The following FBN2 variants were observed in gnomAD, a reference collection of about 807,000 sequenced individuals.
FBN2 encodes fibrillin-2.
FBN2 carries 105 observed loss-of-function variants against 355.6 expected under a neutral mutation model. That is an observed-to-expected ratio of 0.30 (90% CI 0.25 to 0.35). The LOEUF is 0.35. Ranked by LOEUF, FBN2 falls within the 10% of genes least tolerant of loss-of-function variation. The pLI, the probability that FBN2 is intolerant of heterozygous loss-of-function variation, is 1.00. For synonymous variants in FBN2, 1,350 were observed against 1,301.2 expected (o/e 1.04, Z -0.81); for missense variants, 3,280 against 3,758.7 (o/e 0.87, Z 3.33).
At chr5:128,507,321 C>G (rs1396254093) in intron 5 of FBN2, among the ~76,000 whole-genome samples, 1 of 151,828 alleles carries the variant, frequency 6.6e-6, no homozygotes, top group Non-Finnish European at 1.5e-5. Flanking sequence ...CCAGGATGCC[C>G]AGAGATACCG....
intron 6 of FBN2, among the ~76,000 whole-genome samples, chr5:128,459,797 A>T (rs1013733281): frequency 2.0e-5 from 3 of 152,212 alleles, no homozygotes; most frequent in Non-Finnish European, 4.4e-5. Flanking sequence ...TAAACCAGGT[A>T]TTGATGGAAC....
At chr5:128,289,717 A>T (rs573016630) in intron 51 of FBN2, among the ~76,000 whole-genome samples, 165 bp downstream of exon 51, 10 of 152,198 alleles carry the variant, frequency 6.6e-5, no homozygotes, top group South Asian at 4.1e-4. Flanking sequence ...ATATAATCTT[A>T]TGATATATGT....
At chr5:128,351,167 G>A (rs997823639) in intron 20 of FBN2, among the ~76,000 whole-genome samples, 162 bp from the exon 21 acceptor site, 6 of 151,536 alleles carry the variant, frequency 4.0e-5, no homozygotes, top group Non-Finnish European at 8.8e-5. Context: ...AGGATCATTT[G>A]AGCCCAGGAG....
chr5:128,333,682 G>A (rs905863026), intron 31 of FBN2, among the ~76,000 whole-genome samples: 63 of 147,492 alleles, frequency 4.3e-4, no homozygotes, highest in African/African-American at 1.4e-3. Flanking sequence ...GTGTGTGTGC[G>A]TGTGTGTGTG....
intron 62 of FBN2, 121 bp from the exon 63 acceptor site, chr5:128,263,777 AT>A: frequency 1.5e-6 from 1 of 677,434 alleles, no homozygotes; most frequent in Non-Finnish European, 2.5e-6. Flanking sequence ...ACAGTATTTT[AT>A]TTTATTCTGA....
chr5:128,347,572 A>G (rs1211038954), intron 23 of FBN2, among the ~76,000 whole-genome samples: 1 of 152,110 alleles, frequency 6.6e-6, no homozygotes, highest in Non-Finnish European at 1.5e-5. Context: ...TGAGTTTGGG[A>G]TCCCTGATTC....
chr5:128,317,725 A>G (rs933473220), intron 36 of FBN2, among the ~76,000 whole-genome samples: 3 of 152,082 alleles, frequency 2.0e-5, no homozygotes, highest in African/African-American at 7.2e-5. Context: ...TTCTGCTCCA[A>G]TGGTTTGGCT....
At chr5:128,519,753 T>C (rs548957985) in intron 4 of FBN2, among the ~76,000 whole-genome samples, 86 of 150,858 alleles carry the variant, frequency 5.7e-4, no homozygotes, top group African/African-American at 2.0e-3. Context: ...GAATAAAATA[T>C]GGGAAATGAA....
At chr5:128,335,414 T>A (rs764233632) in intron 29 of FBN2, 41 bp downstream of exon 29, 5 of 1,613,618 alleles carry the variant, frequency 3.1e-6, no homozygotes, top group Non-Finnish European at 4.2e-6. Context: ...CAAGAAAAAA[T>A]TAGTTAGATG....
rs114841941 is a variant in FBN2 at position 128,387,588 on chromosome 5, G to A, written c.1603+4430C>T. ...GAGACCTTTCTAACTTTTTGATGTG[G>A]GATTTTAGTGCTATAAACTTTACTC... is the stretch of plus-strand genomic sequence containing the variant. On this transcript the variant is annotated intron_variant, in intron 11 of 64. Transcript: ENST00000262464. 2.4e-3 allele frequency among the ~76,000 whole-genome samples: 362 copies of A among 152,060 alleles called. 3 individuals are homozygous for A. The highest frequency in any genetic ancestry group is 8.0e-3 in the African/African-American group (333 of 41,484).
At chr5:128,339,325 C>G in intron 25 of FBN2, 1 of 406,348 alleles carries the variant, frequency 2.5e-6, no homozygotes, top group South Asian at 2.1e-5. Context: ...GCTTAGAAAT[C>G]GTAACAGAAA....
At chr5:128,504,442 C>G (rs998443721) in intron 5 of FBN2, among the ~76,000 whole-genome samples, 1 of 152,184 alleles carries the variant, frequency 6.6e-6, no homozygotes, top group Non-Finnish European at 1.5e-5. Context: ...GGGCTGTAAC[C>G]TGCAAAGCTA....
intron 7 of FBN2, among the ~76,000 whole-genome samples, chr5:128,428,776 C>G (rs947899214): frequency 1.3e-5 from 2 of 152,166 alleles, no homozygotes; most frequent in African/African-American, 4.8e-5. Flanking sequence ...GGGTCTAGAA[C>G]AGTGACGGAA....
chr5:128,333,839 TCACACACA>T lies in FBN2; in HGVS notation c.4100-813_4100-806del, dbSNP rs368334500. Among the ~76,000 whole-genome samples, 849 of 122,930 alleles carry T rather than the reference TCACACACA, an allele frequency of 6.9e-3. 10 individuals are homozygous for T. The highest frequency in any genetic ancestry group is 0.023 in the African/African-American group (792 of 34,248). 80.6% of individuals were successfully genotyped at this position (122,930 alleles called of 152,430 possible). On this transcript the variant is annotated intron_variant, in intron 31 of 64. Coordinates refer to ENST00000262464, the MANE Select transcript of FBN2 (RefSeq NM_001999.4). The stretch of plus-strand genomic sequence containing the variant: ...CGATTACATATTATAGATGCTGAAA[TCACACACA>T]CACACACACACACACACACACACAC...
chr5:128,299,050 C>G (rs1749625785), intron 48 of FBN2, among the ~76,000 whole-genome samples: 1 of 152,132 alleles, frequency 6.6e-6, no homozygotes, highest in African/African-American at 2.4e-5. Context: ...TTCCTTCTAA[C>G]AGACAGGACC....
At chr5:128,491,478 C>T (rs746226277) in intron 5 of FBN2, among the ~76,000 whole-genome samples, 4 of 152,126 alleles carry the variant, frequency 2.6e-5, no homozygotes, top group South Asian at 2.1e-4. Context: ...GAAGTAATCA[C>T]GTTTTGTCTA....
intron 4 of FBN2, among the ~76,000 whole-genome samples, chr5:128,519,723 T>C (rs1040847233): frequency 6.6e-6 from 1 of 151,670 alleles, no homozygotes; most frequent in Non-Finnish European, 1.5e-5. Context: ...CTATAATCTA[T>C]ATTTTCACTG....
At chr5:128,395,298 A>C (rs1752618085) in intron 8 of FBN2, 24 bp from the exon 9 acceptor site, 6 of 1,613,680 alleles carry the variant, frequency 3.7e-6, no homozygotes, top group Non-Finnish European at 4.2e-6. Context: ...AATAAGACAG[A>C]AGATATGGCA....
chr5:128,430,428 CAT>C (rs1383515892), intron 7 of FBN2, among the ~76,000 whole-genome samples: 2 of 152,132 alleles, frequency 1.3e-5, no homozygotes, highest in East Asian at 3.8e-4. Flanking sequence ...ATATTTCAAA[CAT>C]AGCATTATGT....
Sources: gnomAD v4.1 joint callset for allele counts (sites outside exome capture counted in the v4.1 genomes callset) on GRCh38, gnomAD v4.1.1 for gene constraint, MANE v1.5 for transcripts, NCBI Gene and HGNC (gene_info 2026-07-23, HGNC 2026-07-21) for gene names.